MOCOS: variants seen among roughly 807,000 people sequenced by gnomAD.
The protein encoded by MOCOS is molybdenum cofactor sulfurase.
Under a neutral mutation model 83.6 loss-of-function variants are expected in MOCOS, and 86 were observed. The observed-to-expected ratio is 1.03, with a 90% CI of 0.86 to 1.23. The LOEUF is 1.23. Among genes scored for constraint, MOCOS ranks in the 50% most tolerant of loss-of-function variants. MOCOS has a pLI of 0.00. For synonymous variants in MOCOS, 445 were observed against 434.7 expected, an observed-to-expected ratio of 1.02 and a Z score of -0.29; for missense variants, 1,120 against 1,126.9, an observed-to-expected ratio of 0.99 and a Z score of 0.09.
At chr18:36,236,929 T>C (rs1279892460) in intron 9 of MOCOS, among the ~76,000 whole-genome samples, 3 of 152,150 alleles carry the variant, frequency 2.0e-5, no homozygotes, top group Non-Finnish European at 4.4e-5. Flanking sequence ...TTTGGCTCTC[T>C]GTTTTTCTGT....
Position 36,249,148 on chromosome 18 carries a change from A to G in MOCOS, c.2039+148A>G. On this transcript the variant is annotated intron_variant, in intron 10 of 14. Coordinates refer to ENST00000261326, the MANE Select transcript of MOCOS (RefSeq NM_017947.4). ...CCCTTGCATGCTTCTCTCTAACCAC[A>G]CTCTTGGCTCTTTGGTCTTCAAACC... 6.7e-6 allele frequency: 5 copies of G among 747,338 alleles called. No individual in the cohort carries two copies. In the South Asian group the frequency reaches 7.6e-5, roughly 11 times the overall value. The allele number at this position is 747,338 out of a possible 1,614,324, so 46.3% of individuals were successfully genotyped here.
At chr18:36,187,710 A>C in intron 1 of MOCOS, 29 bp downstream of exon 1, 1 of 1,258,266 alleles carries the variant, frequency 7.9e-7, no homozygotes, top group Non-Finnish European at 1.0e-6. Context: ...CTTGGGGGAC[A>C]CGAGGTTTCT....
At chr18:36,225,834 T>A (rs61683502) in intron 9 of MOCOS, among the ~76,000 whole-genome samples, 15,549 of 152,132 alleles carry the variant, frequency 0.1, 904 homozygotes, top group Non-Finnish European at 0.13. Flanking sequence ...TTCCACATAT[T>A]TGTGAATTTT....
Position 36,198,749 on chromosome 18 carries a change from C to T in MOCOS, c.292C>T (p.Arg98Cys), listed in dbSNP as rs771446328. 1.9e-5 allele frequency: 30 copies of T among 1,613,984 alleles called. No individual in the cohort carries two copies. Among genetic ancestry groups the T allele is most frequent in the South Asian group, 1.2e-4 (11 of 91,078 alleles). ...KLTHDTVEQV[R>C]YRILAHFHTT... is the part of the protein sequence containing the mutation. ...CACCCATGACACTGTGGAGCAGGTG[C>T]GCTACAGGTAAGCATCAGGGACACC... The change falls in exon 3 of 15, where the codon CGC becomes TGC. Residue 98 changes from arginine to cysteine, a missense_variant. By Grantham distance (180) the Arg-to-Cys change is radical. Transcript: ENST00000261326.
intron 12 of MOCOS, 107 bp from the exon 13 acceptor site, chr18:36,259,930 T>C: frequency 6.9e-7 from 1 of 1,458,668 alleles, no homozygotes; most frequent in Non-Finnish European, 9.6e-7. Flanking sequence ...CAGGCCACAG[T>C]AGAGCTGATG....
At chr18:36,263,537 TC>T (rs2091671332) in intron 13 of MOCOS, among the ~76,000 whole-genome samples, 1 of 152,156 alleles carries the variant, frequency 6.6e-6, no homozygotes, top group Admixed American at 6.5e-5. Context: ...GGCTCTGAGA[TC>T]CCAGCGAGTG....
intron 9 of MOCOS, among the ~76,000 whole-genome samples, chr18:36,236,314 T>C (rs1391124669): frequency 0.16 from 6,306 of 39,654 alleles, 1 homozygote; most frequent in Admixed American, 0.16. Context: ...TTGTATAAGG[T>C]GTAAGGAAGG....
chr18:36,195,155 A>G, intron 1 of MOCOS, 102 bp from the exon 2 acceptor site: 1 of 943,200 alleles, frequency 1.1e-6, no homozygotes, highest in South Asian at 1.3e-5. Flanking sequence ...GGCACAAGTC[A>G]GTGGCCTGAT....
rs1477363657 is a variant in MOCOS, at chr18:36,257,028, T to G, written c.2225T>G (p.Ile742Ser). The change falls in exon 12 of 15, where the codon ATC becomes AGC. Residue 742 changes from isoleucine to serine, a missense_variant. Coordinates refer to ENST00000261326, the MANE Select transcript of MOCOS (RefSeq NM_017947.4). ...GTGAATGAGGCACAGTATCTGCTGA[T>G]CAACACATCCAGTATTTTGGAACTT... ...SLVNEAQYLL[I>S]NTSSILELHR... 1.9e-6 allele frequency: 3 copies of G among 1,614,064 alleles called. No homozygotes were observed. The Admixed American group carries it at 5.0e-5, about 27-fold the overall frequency.
intron 9 of MOCOS, among the ~76,000 whole-genome samples, chr18:36,233,278 G>A (rs146476548): frequency 1.3e-5 from 2 of 152,192 alleles, no homozygotes; most frequent in Non-Finnish European, 2.9e-5. Flanking sequence ...TACAATGTTT[G>A]TTTTCCATTC....
At chr18:36,206,244 CTTT>C (rs71166102) in intron 6 of MOCOS, among the ~76,000 whole-genome samples, 1 of 103,634 alleles carries the variant, frequency 9.6e-6, no homozygotes, top group Non-Finnish European at 1.8e-5. Context: ...TTTCTTCCAA[CTTT>C]TTTTTTTTTT....
chr18:36,215,348 T>C (rs1007362032), intron 7 of MOCOS, among the ~76,000 whole-genome samples, 168 bp from the exon 8 acceptor site: 12 of 152,214 alleles, frequency 7.9e-5, no homozygotes, highest in Admixed American at 1.3e-4. Flanking sequence ...AGTGGTCCCC[T>C]GCAGGTAGAG....
At chr18:36,267,722 A>G (rs1222184887) in intron 14 of MOCOS, among the ~76,000 whole-genome samples, 1 of 152,224 alleles carries the variant, frequency 6.6e-6, no homozygotes, top group African/African-American at 2.4e-5. Flanking sequence ...GCAGGTTGCC[A>G]GGAGAAGAAA....
At chr18:36,235,438 A>G (rs1310707458) in intron 9 of MOCOS, among the ~76,000 whole-genome samples, 1 of 126,062 alleles carries the variant, frequency 7.9e-6, no homozygotes, top group Non-Finnish European at 1.7e-5. Flanking sequence ...AATTTCATCC[A>G]TGTCCCTACA....
chr18:36,190,880 T>TA (rs989339490), intron 1 of MOCOS, among the ~76,000 whole-genome samples: 4 of 151,648 alleles, frequency 2.6e-5, no homozygotes, highest in Admixed American at 6.6e-5. Context: ...ACTAAAAATA[T>TA]AAAAAAATTA....
chr18:36,218,940 C>T (rs949809117), intron 8 of MOCOS, among the ~76,000 whole-genome samples: 5 of 150,836 alleles, frequency 3.3e-5, no homozygotes, highest in African/African-American at 1.2e-4. Flanking sequence ...ACGATCTTGG[C>T]TCACTGCAAG....
intron 12 of MOCOS, among the ~76,000 whole-genome samples, chr18:36,258,849 T>A (rs562064530): frequency 6.6e-6 from 1 of 152,244 alleles, no homozygotes; most frequent in South Asian, 2.1e-4. Context: ...ACATTAAGTG[T>A]TTTGGATCTT....
intron 2 of MOCOS, among the ~76,000 whole-genome samples, chr18:36,197,190 A>C (rs1306264510): frequency 2.0e-5 from 3 of 152,184 alleles, no homozygotes; most frequent in Non-Finnish European, 4.4e-5. Flanking sequence ...TTATTTCTGC[A>C]GGAAAGGCAT....
At chr18:36,193,304 C>A (rs1294478369) in intron 1 of MOCOS, among the ~76,000 whole-genome samples, 1 of 95,576 alleles carries the variant, frequency 1.0e-5, no homozygotes, top group African/African-American at 4.5e-5. Flanking sequence ...GGCGACAGAG[C>A]GAGACTCCGT....
Sources: allele counts gnomAD v4.1 joint callset (sites outside exome capture counted in the v4.1 genomes callset), GRCh38; gene constraint gnomAD v4.1.1; transcripts MANE v1.5; gene names NCBI Gene and HGNC (gene_info 2026-07-23, HGNC 2026-07-21).